Variants in SVEP1 observed in about 807,000 individuals in gnomAD.
SVEP1 encodes the protein sushi, von Willebrand factor type A, EGF and pentraxin domain-containing protein 1.
A neutral mutation model predicts 367.3 loss-of-function variants in SVEP1; 164 were observed. The observed-to-expected ratio is 0.45, with a 90% confidence interval of 0.39 to 0.51. SVEP1 has a LOEUF of 0.51. SVEP1 is among the 20% of genes least tolerant of loss of function. SVEP1 has a pLI of 0.00. For synonymous variants in SVEP1, 1,666 were observed against 1,611.6 expected, an observed-to-expected ratio of 1.03 and a Z score of -0.81; for missense variants, 4,117 against 4,425.3, an observed-to-expected ratio of 0.93 and a Z score of 1.98.
At chr9:110,506,090 T>TA (rs1322487564) in intron 5 of SVEP1, among the ~76,000 whole-genome samples, 1 of 152,208 alleles carries the variant, frequency 6.6e-6, no homozygotes, top group Non-Finnish European at 1.5e-5. Context: ...GTTCTTGTGT[T>TA]AGTTTGCTGA....
chr9:110,391,465 T>A (rs1401171453), intron 40 of SVEP1, among the ~76,000 whole-genome samples: 1 of 151,900 alleles, frequency 6.6e-6, no homozygotes, highest in African/African-American at 2.4e-5. Flanking sequence ...AGAGATGGAG[T>A]TTCACCATGT....
At position 110,390,036 on chromosome 9, in the gene SVEP1, TATAA is replaced by T. The variant is rs1473448190; in HGVS notation, c.9823-453_9823-450del. 8.7e-5 allele frequency among the ~76,000 whole-genome samples: 9 copies of T among 103,632 alleles called. No individual in the cohort carries two copies. The South Asian group carries it at 2.2e-3, about 25-fold the overall frequency. 68.0% of individuals were successfully genotyped at this position (103,632 alleles called of 152,430 possible). A position where few individuals can be genotyped will look rare whatever the true frequency, so the allele number is the denominator to read the frequency against. ...AAGTGTGTGTGTGTGTGTATATATA[TATAA>T]GTATATATACACGTATATATATAAG... On this transcript the variant is annotated intron_variant, in intron 40 of 47. Coordinates refer to ENST00000374469, the MANE Select transcript of SVEP1 (RefSeq NM_153366.4).
intron 41 of SVEP1, 126 bp downstream of exon 41, chr9:110,389,398 C>T (rs770490396): frequency 1.5e-4 from 167 of 1,090,808 alleles, no homozygotes; most frequent in Non-Finnish European, 2.1e-4. Context: ...TTAAAAGGTT[C>T]TCATATGGCT....
intron 34 of SVEP1, 147 bp from the exon 35 acceptor site, chr9:110,429,481 ATT>A (rs148059692): frequency 1.5e-5 from 8 of 530,206 alleles, no homozygotes; most frequent in South Asian, 1.1e-4. Context: ...TTTTAAATTA[ATT>A]TTTTTTTTCA....
intron 40 of SVEP1, among the ~76,000 whole-genome samples, chr9:110,397,633 A>C (rs1313413559): frequency 6.6e-6 from 1 of 152,226 alleles, no homozygotes; most frequent in Non-Finnish European, 1.5e-5. Flanking sequence ...GTGGATAAGC[A>C]ACTTCAGCAA....
At chr9:110,479,608 C>T (rs1829153562) in intron 13 of SVEP1, 27 bp downstream of exon 13, 6 of 1,572,894 alleles carry the variant, frequency 3.8e-6, no homozygotes, top group Non-Finnish European at 5.2e-6. Context: ...TAAAAGAACA[C>T]ACAATAAATG....
intron 43 of SVEP1, among the ~76,000 whole-genome samples, chr9:110,379,729 T>G (rs992886): frequency 0.2 from 30,549 of 152,196 alleles, 3,164 homozygotes; most frequent in Admixed American, 0.24. Flanking sequence ...GTCTTCTGAT[T>G]CAAATGTTGA....
At chr9:110,527,218 G>A (rs1829950067) in intron 3 of SVEP1, among the ~76,000 whole-genome samples, 1 of 151,896 alleles carries the variant, frequency 6.6e-6, no homozygotes, top group South Asian at 2.1e-4. Context: ...AAGTGGGAAA[G>A]GATATAGAGG....
intron 9 of SVEP1, 41 bp from the exon 10 acceptor site, chr9:110,483,734 T>C (rs1439776389): frequency 1.4e-6 from 2 of 1,457,438 alleles, no homozygotes; most frequent in East Asian, 2.5e-5. Context: ...ACAGCTGATA[T>C]TCACAAACGA....
chr9:110,378,538 T>G (rs959364733), intron 44 of SVEP1, among the ~76,000 whole-genome samples: 1 of 152,160 alleles, frequency 6.6e-6, no homozygotes, highest in African/African-American at 2.4e-5. Context: ...ATTTCCCCCA[T>G]GCTGTAGGTT....
intron 14 of SVEP1, among the ~76,000 whole-genome samples, chr9:110,475,449 A>G (rs1240441973): frequency 6.6e-6 from 1 of 152,176 alleles, no homozygotes; most frequent in East Asian, 1.9e-4. Context: ...GTAGGTAGTG[A>G]GGCTAGGATT....
At chr9:110,566,582 A>G (rs1564178289) in intron 1 of SVEP1, among the ~76,000 whole-genome samples, 1 of 152,136 alleles carries the variant, frequency 6.6e-6, no homozygotes, top group Non-Finnish European at 1.5e-5. Context: ...GTGAATGAAA[A>G]CCAGTAATCA....
intron 5 of SVEP1, among the ~76,000 whole-genome samples, chr9:110,504,157 C>T (rs745915212): frequency 1.3e-5 from 2 of 151,962 alleles, no homozygotes; most frequent in Non-Finnish European, 2.9e-5. Context: ...TGGGTTCACG[C>T]CATTCTCCTG....
At chr9:110,434,640 A>T in intron 29 of SVEP1, 134 bp from the exon 30 acceptor site, 2 of 377,094 alleles carry the variant, frequency 5.3e-6, no homozygotes, top group Non-Finnish European at 8.2e-6. Flanking sequence ...TTAACATGTA[A>T]CCAGATCACT....
Position 110,406,161 on chromosome 9 carries a change from T to G in SVEP1, c.9439A>C (p.Arg3147=). The stretch of plus-strand genomic sequence containing the variant: ...GAGACCCTAGAGCCATGATCTTACC[T>G]GAGTTTCACTTCACTTTCATAGGTG... ...AHTYESEVKL[R]CLEGYTMDTD... The change falls in exon 38 of 48, where the codon AGA becomes CGA. Residue 3147 remains arginine (R), a splice_region_variant and synonymous_variant. Transcript: ENST00000374469. 6.4e-7 allele frequency: 1 copy of G among 1,557,488 alleles called. No individual in the cohort carries two copies. The highest frequency in any genetic ancestry group is 1.2e-5 in the South Asian group (1 of 81,058).
intron 36 of SVEP1, among the ~76,000 whole-genome samples, chr9:110,417,226 T>C (rs1463999925): frequency 6.9e-6 from 1 of 145,296 alleles, no homozygotes; most frequent in Admixed American, 6.8e-5. Flanking sequence ...CACTAGGGAG[T>C]GCCAGACGGT....
At chr9:110,384,586 G>A (rs1053914696) in intron 43 of SVEP1, among the ~76,000 whole-genome samples, 16 of 117,902 alleles carry the variant, frequency 1.4e-4, no homozygotes, top group African/African-American at 4.9e-4. Flanking sequence ...TTGCTAATAT[G>A]CACCAATTCA....
chr9:110,488,717 A>G (rs1381003323), intron 9 of SVEP1, among the ~76,000 whole-genome samples: 1 of 150,496 alleles, frequency 6.6e-6, no homozygotes, highest in Non-Finnish European at 1.5e-5. Context: ...AAAAAAAAAC[A>G]AAACAAATTA....
chr9:110,423,167 G>GAAAAAAAAAAA (rs1491397277), intron 36 of SVEP1, among the ~76,000 whole-genome samples: 1 of 66,980 alleles, frequency 1.5e-5, no homozygotes, highest in Non-Finnish European at 2.8e-5. Flanking sequence ...AAAAAATAAA[G>GAAAAAAAAAAA]TAAAAAAAAA....
Sources: allele counts gnomAD v4.1 joint callset (sites outside exome capture counted in the v4.1 genomes callset), GRCh38; gene constraint gnomAD v4.1.1; transcripts MANE v1.5; gene names NCBI Gene and HGNC (gene_info 2026-07-23, HGNC 2026-07-21).